PACS2: variants seen among roughly 807,000 people sequenced by gnomAD.
PACS2 encodes the protein phosphofurin acidic cluster sorting protein 2, also known as PACS1-like protein.
Under a neutral mutation model 113.0 loss-of-function variants are expected in PACS2, and 36 were observed. That is an observed-to-expected ratio of 0.32 (90% CI 0.24 to 0.42). PACS2 has a LOEUF of 0.42. Ranked by LOEUF, PACS2 falls within the 10% of genes least tolerant of loss-of-function variation. PACS2 has a pLI of 1.00. For synonymous variants in PACS2, 589 were observed against 536.1 expected, an observed-to-expected ratio of 1.10 and a Z score of -1.36; for missense variants, 1,015 against 1,239.5, an observed-to-expected ratio of 0.82 and a Z score of 2.72.
Position 105,334,655 on chromosome 14 carries a change from C to A in PACS2, c.120-13838C>A, listed in dbSNP as rs186214980. 1.2e-3 allele frequency among the ~76,000 whole-genome samples: 182 copies of A among 152,304 alleles called. 3 individuals carry two copies. The East Asian group carries it at 0.034, about 28-fold the overall frequency. On this transcript the variant is annotated intron_variant, in intron 1 of 24. Transcript: ENST00000447393. Reference sequence around the variant, plus strand: ...AGGGTCCAGTGTGTGGGTAGAGCTCCACCTGAGGGCCAGTGTCTGTGTAGA... The same window carrying A: ...AGGGTCCAGTGTGTGGGTAGAGCTCAACCTGAGGGCCAGTGTCTGTGTAGA...
At chr14:105,387,828 T>G (rs1269649942) in intron 19 of PACS2, among the ~76,000 whole-genome samples, 1 of 152,202 alleles carries the variant, frequency 6.6e-6, no homozygotes, top group Non-Finnish European at 1.5e-5. Context: ...CCCTGGGAAT[T>G]GGAGCCACCC....
Position 105,384,363 on chromosome 14 carries a change from C to T in PACS2, c.1791C>T (p.Pro597=), listed in dbSNP as rs142208648. The change falls in exon 17 of 25, where the codon CCC becomes CCT. Residue 597 remains proline, a synonymous_variant. Transcript: ENST00000447393. ...ACCCCTGGCATGCAGGCTCCCACCC[C>T]GTGGCCAGGTACCTAGGCTCCGTGG... The part of the protein sequence containing the change: ...RFLVIPLGSH[P]VARYLGSVDY... 126 of 1,607,974 alleles carry T rather than the reference C, an allele frequency of 7.8e-5. No individual in the cohort carries two copies. Among genetic ancestry groups the T allele is most frequent in the African/African-American group, 7.7e-4 (58 of 74,992 alleles).
chr14:105,371,978 G>C (rs781784366), intron 8 of PACS2: 2 of 152,214 alleles, frequency 1.3e-5, no homozygotes, highest in Non-Finnish European at 2.9e-5. Context: ...CCTATTCAGC[G>C]GGCAGAGCTC....
chr14:105,345,267 T>G (rs1193835499), intron 1 of PACS2, among the ~76,000 whole-genome samples: 4 of 150,530 alleles, frequency 2.7e-5, no homozygotes, highest in African/African-American at 7.4e-5. Flanking sequence ...ATTAGCTGGG[T>G]GTGATGTCGG....
At chr14:105,321,068 A>G (rs1018984581) in intron 1 of PACS2, among the ~76,000 whole-genome samples, 4 of 152,132 alleles carry the variant, frequency 2.6e-5, no homozygotes, top group Non-Finnish European at 4.4e-5. Flanking sequence ...CAGGAGAATC[A>G]CTTGAACTTG....
At chr14:105,351,778 A>AAGG (rs1555404016) in intron 2 of PACS2, among the ~76,000 whole-genome samples, 2 of 152,176 alleles carry the variant, frequency 1.3e-5, no homozygotes, top group African/African-American at 4.8e-5. Context: ...CTAGGAGGTC[A>AAGG]AGGCTGTAGT....
Position 105,368,530 on chromosome 14 carries a change from C to A in PACS2, c.732C>A (p.Ser244=). 6.2e-7 allele frequency: 1 copy of A among 1,613,340 alleles called. No individual in the cohort carries two copies. The highest frequency in any genetic ancestry group is 8.5e-7 in the Non-Finnish European group (1 of 1,179,324). ...KQRRSIVRTT[S]MTRQQNFKQK... is the part of the protein sequence containing the mutation. Reference sequence around the variant, plus strand: ...GGAGATCGATTGTAAGAACGACGTCCATGACCAGGGTTGGTGGAGACTGCT... The same window carrying A: ...GGAGATCGATTGTAAGAACGACGTCAATGACCAGGGTTGGTGGAGACTGCT... Residue 244 remains serine, a synonymous_variant, in exon 7 of 25, where the codon TCC becomes TCA. Coordinates refer to ENST00000447393, the MANE Select transcript of PACS2 (RefSeq NM_001100913.3).
At chr14:105,342,694 G>A (rs2059779454) in intron 1 of PACS2, among the ~76,000 whole-genome samples, 1 of 151,810 alleles carries the variant, frequency 6.6e-6, no homozygotes, top group Admixed American at 6.6e-5. Flanking sequence ...AGCACTTCAG[G>A]AGGCCGAGGT....
intron 1 of PACS2, among the ~76,000 whole-genome samples, chr14:105,301,862 C>A (rs1404956219): frequency 6.6e-6 from 1 of 152,186 alleles, no homozygotes; most frequent in African/African-American, 2.4e-5. Flanking sequence ...CGTAACCAGG[C>A]GTAGTGGCTC....
chr14:105,351,939 C>T (rs2060195428), intron 2 of PACS2, among the ~76,000 whole-genome samples: 1 of 152,270 alleles, frequency 6.6e-6, no homozygotes, highest in Non-Finnish European at 1.5e-5. Context: ...AGGAGGATTG[C>T]TTGAGCCCGG....
chr14:105,312,821 G>C (rs938168118), upstream of PACS2, among the ~76,000 whole-genome samples: 3 of 152,216 alleles, frequency 2.0e-5, no homozygotes, highest in Admixed American at 2.0e-4. Context: ...GTGGTCGCAG[G>C]CGTGACACAT....
Position 105,384,460 on chromosome 14 carries a change from G to A in PACS2, c.1888G>A (p.Ala630Thr). 1 of 1,604,306 alleles carries A rather than the reference G, an allele frequency of 6.2e-7. No individual in the cohort carries two copies. Among genetic ancestry groups the A allele is most frequent in the Non-Finnish European group, 8.5e-7 (1 of 1,173,372 alleles). ...GTTCAACAAGCTGGAGGCCCAGAGT[G>A]CGGGTGAGGCCCGGGCGCGTCCACA... is the stretch of plus-strand genomic sequence containing the variant. ...DLFNKLEAQSAVQDTPDIVSR... is the reference protein window; with the variant it reads ...DLFNKLEAQSTVQDTPDIVSR... Residue 630 changes from alanine to threonine, a missense_variant, in exon 17 of 25, where the codon GCG (alanine) becomes ACG (threonine). Ala to Thr is a moderately conservative substitution (Grantham distance 58, BLOSUM62 0). This residue lies in a region of PACS2 where 859 missense variants were observed against 1,056.8 expected (regional missense o/e 0.81). Transcript: ENST00000447393.
intron 5 of PACS2, 96 bp downstream of exon 5, chr14:105,367,471 T>A: frequency 1.6e-6 from 2 of 1,283,338 alleles, no homozygotes; most frequent in Non-Finnish European, 1.1e-6. Context: ...CAGCCTGGCT[T>A]AAGGAGTTGG....
upstream of PACS2, among the ~76,000 whole-genome samples, chr14:105,312,066 A>G (rs1323889374): frequency 6.6e-6 from 1 of 151,736 alleles, no homozygotes; most frequent in African/African-American, 2.4e-5. Flanking sequence ...CCCCTCCCCC[A>G]CTCCCCGACT....
chr14:105,377,660 G>C (rs1308569543), intron 9 of PACS2, among the ~76,000 whole-genome samples: 1 of 152,230 alleles, frequency 6.6e-6, no homozygotes, highest in Non-Finnish European at 1.5e-5. Flanking sequence ...CGCGGCCCCA[G>C]TTAGCCCTGC....
intron 1 of PACS2, among the ~76,000 whole-genome samples, chr14:105,301,587 C>G (rs1401389519): frequency 1.3e-5 from 2 of 152,232 alleles, no homozygotes; most frequent in Non-Finnish European, 2.9e-5. Context: ...CTGCCCCGCC[C>G]TCCGCATTTG....
At chr14:105,353,231 A>G (rs1460970982) in intron 3 of PACS2, among the ~76,000 whole-genome samples, 1 of 72,508 alleles carries the variant, frequency 1.4e-5, no homozygotes, top group Non-Finnish European at 2.5e-5. Flanking sequence ...CCCCCTCATC[A>G]CTGTCCCCTG....
rs1453702550 is a variant in PACS2 at position 105,315,877 on chromosome 14, C to T, written c.119+840C>T. On this transcript the variant is annotated intron_variant, in intron 1 of 24. Transcript: ENST00000447393. This position sits in a 1 kb window ranked among gnomAD's most constrained non-coding sequence, Gnocchi z 4.4. ...AAAGTTCTGGTTCTAGAATAGACAG[C>T]AGGCGAGAAGAGGAGGCGGTTGGGG... Among the ~76,000 whole-genome samples the T allele has an allele frequency of 6.6e-6, 1 of 152,236 alleles. No homozygotes were observed. Among genetic ancestry groups the T allele is most frequent in the Non-Finnish European group, 1.5e-5 (1 of 68,048 alleles).
At chr14:105,391,919 C>CTTT (rs1555415033) in intron 22 of PACS2, 153 bp downstream of exon 22, 2 of 684,876 alleles carry the variant, frequency 2.9e-6, no homozygotes, top group African/African-American at 3.7e-5. Flanking sequence ...GCTGGGTCCT[C>CTTT]TCTGGCCACC....
Sources: gnomAD v4.1 joint callset for allele counts (sites outside exome capture counted in the v4.1 genomes callset) on GRCh38, gnomAD v4.1.1 for gene constraint, gnomAD v4.1.1 regional missense constraint, Gnocchi (gnomAD v3.1) non-coding constraint, MANE v1.5 for transcripts, NCBI Gene and HGNC (gene_info 2026-07-23, HGNC 2026-07-21) for gene names.